The following NEIL3 variants were observed in gnomAD, a reference collection of about 807,000 sequenced individuals.
NEIL3 encodes the protein endonuclease 8-like 3.
NEIL3 carries 48 observed loss-of-function variants against 57.5 expected under a neutral mutation model. That is an observed-to-expected ratio of 0.83 (90% CI 0.66 to 1.06). The LOEUF (loss-of-function observed/expected upper bound fraction) is 1.06. Ranked by LOEUF, NEIL3 falls within the 50% of genes least tolerant of loss-of-function variation. The pLI, the probability that NEIL3 is intolerant of heterozygous loss-of-function variation, is 0.00. For synonymous variants in NEIL3, 261 were observed against 253.2 expected, an observed-to-expected ratio of 1.03 and a Z score of -0.29; for missense variants, 717 against 739.1, an observed-to-expected ratio of 0.97 and a Z score of 0.35.
Position 177,336,136 on chromosome 4 carries a change from A to G in NEIL3, c.442A>G (p.Arg148Gly). 6.2e-7 allele frequency: 1 copy of G among 1,613,066 alleles called. No individual in the cohort carries two copies. The change falls in exon 4 of 10, where the codon AGA becomes GGA. Residue 148 changes from arginine (R) to glycine (G), a missense_variant. Coordinates refer to ENST00000264596, the MANE Select transcript of NEIL3 (RefSeq NM_018248.3). ...CTCAATGGAAAGCCAACAGAGAATA[A>G]GAATGATGAAAGAATTAGATGTATG... ...RNSMESQQRI[R>G]MMKELDVCSP...
chr4:177,318,113 G>T (rs1356609614), intron 1 of NEIL3, among the ~76,000 whole-genome samples: 1 of 152,150 alleles, frequency 6.6e-6, no homozygotes, highest in Non-Finnish European at 1.5e-5. Context: ...AGGTTCTATA[G>T]AATCTTGAGG....
intron 6 of NEIL3, among the ~76,000 whole-genome samples, chr4:177,346,532 G>A (rs1735224476): frequency 6.6e-6 from 1 of 152,042 alleles, no homozygotes; most frequent in Admixed American, 6.5e-5. Context: ...TGTTTCTTCT[G>A]CCTCTCTTTC....
chr4:177,367,697 G>C (rs1360964219), downstream of NEIL3, among the ~76,000 whole-genome samples: 3 of 152,164 alleles, frequency 2.0e-5, no homozygotes, highest in Admixed American at 6.5e-5. Flanking sequence ...GAGTTTATCT[G>C]CCCATTTCCT....
At chr4:177,370,435 C>T in the NEIL3 span, among the ~76,000 whole-genome samples, 1 of 152,078 alleles carries the variant, frequency 6.6e-6, no homozygotes, top group Non-Finnish European at 1.5e-5. Flanking sequence ...CCAAGTAGTT[C>T]CAGAGTCACA....
chr4:177,353,173 TTG>T, intron 7 of NEIL3, 133 bp from the exon 8 acceptor site: 5 of 681,840 alleles, frequency 7.3e-6, no homozygotes, highest in Non-Finnish European at 1.2e-5. Flanking sequence ...TGAGCTAACT[TTG>T]TGTTATTAGT....
In NEIL3 at chr4:177,341,392, A is replaced by T. The variant is rs1006609903; in HGVS notation, c.703-84A>T. ...TAAATTTTTAGCAGATGATTTTCAG[A>T]GGTGACTTTCGAGAATGTGTCTTTG... On this transcript the variant is annotated intron_variant, in intron 5 of 9. Coordinates refer to ENST00000264596, the MANE Select transcript of NEIL3 (RefSeq NM_018248.3). 30 of 1,088,170 alleles carry T rather than the reference A, an allele frequency of 2.8e-5. No individual in the cohort carries two copies. The South Asian group carries it at 5.8e-4, about 21-fold the overall frequency. The allele number at this position is 1,088,170 out of a possible 1,614,324, so 67.4% of individuals were successfully genotyped here.
chr4:177,321,269 G>T (rs542742999), intron 1 of NEIL3, among the ~76,000 whole-genome samples: 1 of 152,092 alleles, frequency 6.6e-6, no homozygotes, highest in African/African-American at 2.4e-5. Context: ...AGGATCCTTA[G>T]GCCCATTTGA....
chr4:177,361,970 GGTGATT>G (rs1211864482), intron 9 of NEIL3, among the ~76,000 whole-genome samples: 1 of 152,026 alleles, frequency 6.6e-6, no homozygotes, highest in Admixed American at 6.6e-5. Context: ...CAGGGATATT[GGTGATT>G]ACAGCAAGAT....
At chr4:177,355,902 A>C (rs1735464495) in intron 8 of NEIL3, among the ~76,000 whole-genome samples, 1 of 152,146 alleles carries the variant, frequency 6.6e-6, no homozygotes, top group Non-Finnish European at 1.5e-5. Context: ...ATTTATGATA[A>C]CTGGTTTAAC....
intron 7 of NEIL3, among the ~76,000 whole-genome samples, chr4:177,351,968 TTC>T (rs1735362240): frequency 6.6e-6 from 1 of 152,218 alleles, no homozygotes; most frequent in Non-Finnish European, 1.5e-5. Flanking sequence ...GCTGAATTTT[TTC>T]TCTTCTTTAT....
chr4:177,322,654 G>A (rs1160618237), intron 2 of NEIL3, 74 bp downstream of exon 2: 18 of 1,574,470 alleles, frequency 1.1e-5, no homozygotes, highest in African/African-American at 6.8e-5. Context: ...GGAGTTTGCC[G>A]GGTGTCACAT....
At chr4:177,366,494 G>A (rs889923187), downstream of NEIL3, among the ~76,000 whole-genome samples, 3 of 152,156 alleles carry the variant, frequency 2.0e-5, no homozygotes, top group African/African-American at 4.8e-5. Flanking sequence ...CGCTTCCTGG[G>A]TTCAACCGAT....
At position 177,360,614 on chromosome 4, in the gene NEIL3, A is replaced by G; in HGVS notation, c.1572A>G (p.Glu524=). ...CILRVVGKDG[E]NKGRQFYACP... ...TCCGAGTTGTGGGGAAGGATGGGGA[A>G]AACAAGGGCAGGCAGTTTTATGCCT... The change falls in exon 9 of 10, where the codon GAA becomes GAG. Residue 524 remains glutamate (E), a synonymous_variant. Transcript: ENST00000264596. 1 of 1,614,112 alleles carries G rather than the reference A, an allele frequency of 6.2e-7. No individual in the cohort carries two copies. The highest frequency in any genetic ancestry group is 1.1e-5 in the South Asian group (1 of 91,060).
At chr4:177,341,717 C>T (rs564622578) in intron 6 of NEIL3, 75 bp downstream of exon 6, 1 of 1,238,462 alleles carries the variant, frequency 8.1e-7, no homozygotes, top group East Asian at 2.5e-5. Flanking sequence ...GAGAATATAA[C>T]TGAATAACTG....
Position 177,338,022 on chromosome 4 carries a change from T to TCACACACA in NEIL3, c.627+1702_627+1703insACACACAC, listed in dbSNP as rs201094152. Among the ~76,000 whole-genome samples the TCACACACA allele has an allele frequency of 5.8e-4, 75 of 129,178 alleles. 1 individual carries two copies. Among genetic ancestry groups the TCACACACA allele is most frequent in the African/African-American group, 2.3e-3 (74 of 31,510 alleles). The allele number at this position is 129,178 out of a possible 152,430, so 84.7% of individuals were successfully genotyped here. ...AACAGAGCGAGACTCTGTCTCTCTC[T>TCACACACA]CTCACACACACACACACACACACAC... On this transcript the variant is annotated intron_variant, in intron 4 of 9. Transcript: ENST00000264596.
chr4:177,331,176 C>T lies in NEIL3; in HGVS notation c.279-4512C>T, dbSNP rs528560976. ...AATAAGTTGAGTTGATAGTTTAAAA[C>T]TTCTCAAGAAAGAAAACCCCAGGCA... On this transcript the variant is annotated intron_variant, in intron 2 of 9. Coordinates refer to ENST00000264596, the MANE Select transcript of NEIL3 (RefSeq NM_018248.3). Among the ~76,000 whole-genome samples the T allele has an allele frequency of 2.2e-4, 33 of 152,058 alleles. No individual in the cohort carries two copies. The East Asian group carries it at 6.2e-3, about 28-fold the overall frequency.
At chr4:177,332,326 T>C (rs1043636966) in intron 2 of NEIL3, among the ~76,000 whole-genome samples, 1 of 151,950 alleles carries the variant, frequency 6.6e-6, no homozygotes, top group African/African-American at 2.4e-5. Context: ...TGGCTTTTGC[T>C]TCTACCTCAC....
rs200543340 is a variant in NEIL3 at position 177,310,003 on chromosome 4, G to C, written c.50G>C (p.Arg17Pro). 1.9e-6 allele frequency: 3 copies of C among 1,610,798 alleles called. No individual in the cohort carries two copies. The highest frequency in any genetic ancestry group is 1.7e-5 in the Admixed American group (1 of 59,834). The stretch of plus-strand genomic sequence containing the variant: ...CTGAATGGAGAGAAGATTCGCGCGC[G>C]GGTGCTCCCGGGCCAGGCGGTGACC... ...CTLNGEKIRA[R>P]VLPGQAVTGV... is the part of the protein sequence containing the mutation. The change falls in exon 1 of 10, where the codon CGG becomes CCG. Residue 17 changes from arginine (R) to proline (P), a missense_variant. Coordinates refer to ENST00000264596, the MANE Select transcript of NEIL3 (RefSeq NM_018248.3).
chr4:177,339,946 G>A (rs939834938), intron 5 of NEIL3, 89 bp downstream of exon 5: 5 of 793,916 alleles, frequency 6.3e-6, no homozygotes, highest in Non-Finnish European at 1.1e-5. Flanking sequence ...GCTGTATATA[G>A]CCATCTAGTG....
Sources: gnomAD v4.1 joint callset for allele counts (sites outside exome capture counted in the v4.1 genomes callset) on GRCh38, gnomAD v4.1.1 for gene constraint, MANE v1.5 for transcripts, NCBI Gene and HGNC (gene_info 2026-07-23, HGNC 2026-07-21) for gene names.